AQR: variants seen among roughly 807,000 people sequenced by gnomAD.
AQR encodes RNA helicase aquarius.
AQR carries 61 observed loss-of-function variants against 180.5 expected under a neutral mutation model. The observed-to-expected ratio is 0.34, with a 90% CI of 0.28 to 0.42. The LOEUF (loss-of-function observed/expected upper bound fraction) is 0.42. AQR is among the 10% of genes least tolerant of loss of function. AQR has a pLI of 1.00. For synonymous variants in AQR, 551 were observed against 588.8 expected, an observed-to-expected ratio of 0.94 and a Z score of 0.93; for missense variants, 1,281 against 1,798.3, an observed-to-expected ratio of 0.71 and a Z score of 5.20.
At chr15:34,957,366 T>C (rs1255216909) in intron 3 of AQR, among the ~76,000 whole-genome samples, 3 of 151,858 alleles carry the variant, frequency 2.0e-5, no homozygotes, top group Non-Finnish European at 4.4e-5. Context: ...CATGTTAAAT[T>C]TTTAAATACA....
At position 34,853,187 on chromosome 15, in the gene AQR, G is replaced by A. The variant is rs1038651750; in HGVS notation, c.*3605C>T. ...AATAATTACACAGGCTAACTGCCAA[G>A]CATTTTTCACAGGAAGCAAGGCACT... On this transcript the variant is annotated 3_prime_UTR_variant, in exon 35 of 35. Coordinates refer to ENST00000156471, the MANE Select transcript of AQR (RefSeq NM_014691.3). 2 of 150,972 alleles carry A rather than the reference G, an allele frequency of 1.3e-5. No homozygotes were observed. Among genetic ancestry groups the A allele is most frequent in the Non-Finnish European group, 2.9e-5 (2 of 67,992 alleles). The allele number at this position is 150,972 out of a possible 1,614,324, so 9.4% of individuals were successfully genotyped here. A position where few individuals can be genotyped will look rare whatever the true frequency, so the allele number is the denominator to read the frequency against.
At chr15:34,931,685 G>A (rs190436042) in intron 11 of AQR, among the ~76,000 whole-genome samples, 448 of 152,228 alleles carry the variant, frequency 2.9e-3, no homozygotes, top group South Asian at 0.011. Flanking sequence ...GTGCATGCCT[G>A]TAATTCCGGC....
intron 34 of AQR, among the ~76,000 whole-genome samples, chr15:34,858,068 C>G (rs888514913): frequency 6.6e-6 from 1 of 152,222 alleles, no homozygotes; most frequent in African/African-American, 2.4e-5. Flanking sequence ...ACTGCAACCT[C>G]CGTCTCCCAG....
intron 21 of AQR, among the ~76,000 whole-genome samples, 182 bp from the exon 22 acceptor site, chr15:34,897,148 G>C (rs1348579833): frequency 6.6e-6 from 1 of 152,126 alleles, no homozygotes. Context: ...TGGAATTATA[G>C]TTATTTTTCG....
At chr15:34,858,112 T>C (rs1489812289) in intron 34 of AQR, among the ~76,000 whole-genome samples, 1 of 151,946 alleles carries the variant, frequency 6.6e-6, no homozygotes, top group Non-Finnish European at 1.5e-5. Flanking sequence ...GCCTCCCAAG[T>C]AGCTGGGATT....
At chr15:34,863,997 A>T (rs1246967628) in intron 32 of AQR, among the ~76,000 whole-genome samples, 1 of 152,198 alleles carries the variant, frequency 6.6e-6, no homozygotes, top group Non-Finnish European at 1.5e-5. Context: ...AATCACCTCC[A>T]ATCTCTGAAA....
chr15:34,873,934 G>A lies in AQR; in HGVS notation c.3491C>T (p.Pro1164Leu). Residue 1164 changes from proline to leucine, a missense_variant, in exon 30 of 35, where the codon CCA becomes CTA. Physicochemically the swap from Pro to Leu is moderately conservative, Grantham distance 98 (BLOSUM62 -3). This residue lies in a region of AQR where 197 missense variants were observed against 320.7 expected (regional missense o/e 0.61). Coordinates refer to ENST00000156471, the MANE Select transcript of AQR (RefSeq NM_014691.3). ...LGNLPHVQLL[P>L]EFSTANAGLL... is the part of the protein sequence containing the mutation. Reference sequence around the variant, plus strand: ...GCCAGCATTTGCTGTACTAAACTCTGGCAAGAGCTGCACATGGGGTAAGTT... The same window carrying A: ...GCCAGCATTTGCTGTACTAAACTCTAGCAAGAGCTGCACATGGGGTAAGTT... The A allele has an allele frequency of 6.2e-7, 1 of 1,612,216 alleles. No homozygotes were observed. The highest frequency in any genetic ancestry group is 8.5e-7 in the Non-Finnish European group (1 of 1,178,942).
chr15:34,902,831 T>A (rs1188664450), intron 19 of AQR, among the ~76,000 whole-genome samples: 1 of 152,118 alleles, frequency 6.6e-6, no homozygotes, highest in Non-Finnish European at 1.5e-5. Context: ...ATTAAGAACA[T>A]ACTATATAAC....
chr15:34,903,501 T>C (rs1047607592), intron 19 of AQR, among the ~76,000 whole-genome samples: 8 of 152,174 alleles, frequency 5.3e-5, no homozygotes, highest in African/African-American at 1.7e-4. Flanking sequence ...CTAATCAGAC[T>C]TACTGATAGA....
chr15:34,919,096 G>A (rs1453425955), intron 14 of AQR, among the ~76,000 whole-genome samples: 2 of 151,968 alleles, frequency 1.3e-5, no homozygotes, highest in African/African-American at 2.4e-5. Context: ...AAAATTAGCT[G>A]GGCGTGGTGG....
intron 4 of AQR, among the ~76,000 whole-genome samples, chr15:34,951,870 C>A (rs547803676): frequency 6.6e-6 from 1 of 152,066 alleles, no homozygotes; most frequent in South Asian, 2.1e-4. Context: ...TATCTCAGGG[C>A]GAGATGGGTC....
chr15:34,859,390 T>C (rs1331058684), intron 34 of AQR, among the ~76,000 whole-genome samples: 1 of 152,162 alleles, frequency 6.6e-6, no homozygotes, highest in Non-Finnish European at 1.5e-5. Context: ...TAAAAAGACG[T>C]ACCATATCAA....
chr15:34,944,483 A>G (rs1894079936), intron 5 of AQR, 55 bp from the exon 6 acceptor site: 2 of 1,515,650 alleles, frequency 1.3e-6, no homozygotes, highest in Non-Finnish European at 1.8e-6. Context: ...CTTAAGCTTT[A>G]AAGAAGCCCT....
At chr15:34,877,019 A>T (rs902635106) in intron 27 of AQR, among the ~76,000 whole-genome samples, 1 of 152,210 alleles carries the variant, frequency 6.6e-6, no homozygotes, top group African/African-American at 2.4e-5. Context: ...CACAATTTGT[A>T]ATTATATCTG....
At chr15:34,952,123 A>G (rs1390905425) in intron 4 of AQR, among the ~76,000 whole-genome samples, 1 of 152,232 alleles carries the variant, frequency 6.6e-6, no homozygotes, top group Admixed American at 6.5e-5. Context: ...TTATTAACAC[A>G]GAGGCCCTGA....
At chr15:34,944,206 G>C (rs1186156784) in intron 6 of AQR, 82 bp downstream of exon 6, 1 of 1,323,446 alleles carries the variant, frequency 7.6e-7, no homozygotes, top group Non-Finnish European at 1.0e-6. Context: ...AATGGAGTTG[G>C]CTACAGAGGT....
intron 4 of AQR, among the ~76,000 whole-genome samples, chr15:34,949,988 AAT>A (rs1371614287): frequency 1.3e-5 from 2 of 150,838 alleles, no homozygotes; most frequent in Non-Finnish European, 3.0e-5. Context: ...AAAAAAAAAA[AAT>A]CTTCTGAAAC....
chr15:34,969,243 T>C (rs2050330689), intron 1 of AQR, among the ~76,000 whole-genome samples: 1 of 152,152 alleles, frequency 6.6e-6, no homozygotes, highest in South Asian at 2.1e-4. Flanking sequence ...CTGAATCCAT[T>C]GCTCCTGAGA....
chr15:34,961,470 C>T (rs1321217381), intron 2 of AQR, among the ~76,000 whole-genome samples: 2 of 151,776 alleles, frequency 1.3e-5, no homozygotes, highest in East Asian at 1.9e-4. Flanking sequence ...ATTAGCTGGG[C>T]GTGGTGGCGC....
Sources: gnomAD v4.1 joint callset for allele counts (sites outside exome capture counted in the v4.1 genomes callset) on GRCh38, gnomAD v4.1.1 for gene constraint, gnomAD v4.1.1 regional missense constraint, MANE v1.5 for transcripts, NCBI Gene and HGNC (gene_info 2026-07-23, HGNC 2026-07-21) for gene names.